KIAA1217: variants seen among roughly 807,000 people sequenced by gnomAD.
KIAA1217 encodes sickle tail protein homolog.
In KIAA1217, 88 loss-of-function variants were observed where a neutral mutation model predicts 163.9. The observed-to-expected ratio is 0.54, with a 90% CI of 0.45 to 0.64. KIAA1217 has a LOEUF of 0.64. Ranked by LOEUF, KIAA1217 falls within the 30% of genes least tolerant of loss-of-function variation. KIAA1217 has a pLI of 0.00. For synonymous variants in KIAA1217, 903 were observed against 923.1 expected (o/e 0.98, Z 0.39); for missense variants, 2,372 against 2,475.0 (o/e 0.96, Z 0.88).
Position 24,547,162 on chromosome 10 carries a change from T to C in KIAA1217, c.*838T>C, listed in dbSNP as rs1347743022. 1 of 152,312 alleles carries C rather than the reference T, an allele frequency of 6.6e-6. No individual in the cohort carries two copies. Among genetic ancestry groups the C allele is most frequent in the Non-Finnish European group, 1.5e-5 (1 of 67,992 alleles). The allele number at this position is 152,312 out of a possible 1,614,324, so 9.4% of individuals were successfully genotyped here. A position where few individuals can be genotyped will look rare whatever the true frequency, so the allele number is the denominator to read the frequency against. On this transcript the variant is annotated 3_prime_UTR_variant, in exon 21 of 21. Transcript: ENST00000376454. ...TCTGAGACCTGGTAACCCACGCTCTTGCATTGTGGATTTTAAAATGTATAC... is the reference window on the plus strand; with the variant it reads ...TCTGAGACCTGGTAACCCACGCTCTCGCATTGTGGATTTTAAAATGTATAC...
In KIAA1217 at chr10:24,260,552, C is replaced by T. The variant is rs182478777; in HGVS notation, c.354+40643C>T. Among the ~76,000 whole-genome samples, 22 of 137,344 alleles carry T rather than the reference C, an allele frequency of 1.6e-4. No homozygotes were observed. In the East Asian group the frequency reaches 3.9e-3, roughly 24 times the overall value. The allele number at this position is 137,344 out of a possible 152,430, so 90.1% of individuals were successfully genotyped here. A position where few individuals can be genotyped will look rare whatever the true frequency, so the allele number is the denominator to read the frequency against. The stretch of plus-strand genomic sequence containing the variant: ...ATCAATTGAGTCCAGAAGCTCGAGA[C>T]GATCCTGGGCAACTTTGTGAGACCT... On this transcript the variant is annotated intron_variant, in intron 2 of 20. Transcript: ENST00000376454.
intron 1 of KIAA1217, among the ~76,000 whole-genome samples, chr10:23,924,216 G>C (rs1842944641): frequency 6.8e-6 from 1 of 146,712 alleles, no homozygotes. Context: ...AAGCCACTGT[G>C]TTTGGGGTAA....
intron 1 of KIAA1217, among the ~76,000 whole-genome samples, chr10:23,723,471 T>C (rs1409623999): frequency 6.6e-6 from 1 of 152,184 alleles, no homozygotes; most frequent in East Asian, 1.9e-4. Flanking sequence ...AATAATGGCA[T>C]AGTGGTCTCT....
intron 2 of KIAA1217, among the ~76,000 whole-genome samples, chr10:24,351,111 C>G (rs2048405903): frequency 6.6e-6 from 1 of 152,048 alleles, no homozygotes; most frequent in African/African-American, 2.4e-5. Flanking sequence ...ATACGCAGAG[C>G]TAATTTTTGT....
intron 1 of KIAA1217, among the ~76,000 whole-genome samples, chr10:23,947,844 A>G (rs1349923981): frequency 6.6e-6 from 1 of 152,190 alleles, no homozygotes; most frequent in African/African-American, 2.4e-5. Context: ...AATTAGAACA[A>G]TTATAAAGAA....
At chr10:23,823,661 G>A (rs961297586) in intron 1 of KIAA1217, among the ~76,000 whole-genome samples, 4 of 152,090 alleles carry the variant, frequency 2.6e-5, no homozygotes, top group South Asian at 4.2e-4. Context: ...ATGCCTTTTC[G>A]TAGAAAAATG....
chr10:24,406,435 A>C (rs991580), intron 3 of KIAA1217, among the ~76,000 whole-genome samples: 1 of 151,612 alleles, frequency 6.6e-6, no homozygotes, highest in East Asian at 1.9e-4. Flanking sequence ...CAGGATGAAC[A>C]CACACATTGC....
At chr10:24,217,542 C>T (rs1449512119) in intron 1 of KIAA1217, among the ~76,000 whole-genome samples, 1 of 152,164 alleles carries the variant, frequency 6.6e-6, no homozygotes, top group Non-Finnish European at 1.5e-5. Context: ...ACAGGAAAAC[C>T]AGCCTGAGAT....
chr10:23,714,623 A>C (rs939199789), intron 1 of KIAA1217, among the ~76,000 whole-genome samples: 1 of 152,134 alleles, frequency 6.6e-6, no homozygotes, highest in African/African-American at 2.4e-5. Context: ...CTCTGGACTA[A>C]AGATGACTAC....
chr10:23,867,644 A>G (rs1379218062), intron 1 of KIAA1217, among the ~76,000 whole-genome samples: 3 of 152,130 alleles, frequency 2.0e-5, no homozygotes, highest in Admixed American at 1.3e-4. Flanking sequence ...CTGCATAAAT[A>G]TCTTCTTTTG....
At chr10:24,135,145 CAT>C (rs1444189527) in intron 2 of KIAA1217, among the ~76,000 whole-genome samples, 3 of 152,172 alleles carry the variant, frequency 2.0e-5, no homozygotes, top group African/African-American at 7.2e-5. Flanking sequence ...GTAATAATAA[CAT>C]ATAATAAAAC....
intron 3 of KIAA1217, among the ~76,000 whole-genome samples, chr10:24,419,003 C>T (rs567463102): frequency 1.3e-5 from 2 of 151,708 alleles, no homozygotes; most frequent in Non-Finnish European, 2.9e-5. Flanking sequence ...ATGGTGAAAC[C>T]CTGTCTCTAC....
intron 1 of KIAA1217, among the ~76,000 whole-genome samples, chr10:23,697,686 A>G (rs1054615571): frequency 6.7e-6 from 1 of 150,160 alleles, no homozygotes; most frequent in Admixed American, 6.6e-5. Context: ...CTTAGGCAAC[A>G]TGGCAAAACT....
chr10:23,901,386 G>A (rs1841947871), intron 1 of KIAA1217, among the ~76,000 whole-genome samples: 2 of 152,024 alleles, frequency 1.3e-5, no homozygotes, highest in South Asian at 2.1e-4. Context: ...CTGGCTTCAA[G>A]TTTGACAAAT....
At position 24,342,478 on chromosome 10, in the gene KIAA1217, A is replaced by G. The variant is rs376399138; in HGVS notation, c.355-38391A>G. Among the ~76,000 whole-genome samples, 3 of 152,238 alleles carry G rather than the reference A, an allele frequency of 2.0e-5. No individual in the cohort carries two copies. The East Asian group carries it at 5.8e-4, about 29-fold the overall frequency. ...TTTCTAAAATTAACCATTGTTATTCATTTTTTGTTAGATCCTTTCCTCAAA... is the reference window on the plus strand; with the variant it reads ...TTTCTAAAATTAACCATTGTTATTCGTTTTTTGTTAGATCCTTTCCTCAAA... On this transcript the variant is annotated intron_variant, in intron 2 of 20. Transcript: ENST00000376454.
chr10:23,717,273 T>A (rs533526642), intron 1 of KIAA1217, among the ~76,000 whole-genome samples: 2 of 148,784 alleles, frequency 1.3e-5, no homozygotes, highest in South Asian at 4.3e-4. Flanking sequence ...CGCTTTTAGA[T>A]TTTTTTTTTG....
intron 1 of KIAA1217, among the ~76,000 whole-genome samples, chr10:23,785,401 T>C (rs1835446612): frequency 6.6e-6 from 1 of 152,186 alleles, no homozygotes; most frequent in South Asian, 2.1e-4. Flanking sequence ...ACATTTCTGT[T>C]ATGGGACTTG....
At chr10:24,419,912 A>T (rs1162659025) in intron 3 of KIAA1217, among the ~76,000 whole-genome samples, 1 of 152,004 alleles carries the variant, frequency 6.6e-6, no homozygotes, top group Non-Finnish European at 1.5e-5. Flanking sequence ...TATGTTTTTG[A>T]GATTCATCCA....
At chr10:23,786,042 A>T (rs1421914039) in intron 1 of KIAA1217, among the ~76,000 whole-genome samples, 2 of 152,144 alleles carry the variant, frequency 1.3e-5, no homozygotes, top group Non-Finnish European at 2.9e-5. Flanking sequence ...GGTAAAAGAG[A>T]TTAAAACAAG....
Sources: gnomAD v4.1 joint callset for allele counts (sites outside exome capture counted in the v4.1 genomes callset) on GRCh38, gnomAD v4.1.1 for gene constraint, MANE v1.5 for transcripts, NCBI Gene and HGNC (gene_info 2026-07-23, HGNC 2026-07-21) for gene names.